The following TBC1D9 variants were observed in gnomAD, a reference collection of about 807,000 sequenced individuals.
TBC1D9 encodes TBC1 domain family member 9.
A neutral mutation model predicts 132.0 loss-of-function variants in TBC1D9; 63 were observed. That is an observed-to-expected ratio of 0.48 (90% confidence interval 0.39 to 0.59). TBC1D9 has a LOEUF of 0.59. TBC1D9 is among the 20% of genes least tolerant of loss of function. The pLI is 0.00. For missense variants in TBC1D9, 1,261 were observed against 1,592.7 expected, an observed-to-expected ratio of 0.79 and a Z score of 3.54; for synonymous variants, 610 against 609.9, an observed-to-expected ratio of 1.00 and a Z score of 0.00.
intron 1 of TBC1D9, among the ~76,000 whole-genome samples, chr4:140,744,264 T>C (rs910845495): frequency 6.6e-6 from 1 of 152,040 alleles, no homozygotes; most frequent in African/African-American, 2.4e-5. Flanking sequence ...CCCCAACACA[T>C]AGAAGTCACC....
At chr4:140,718,850 G>C (rs1403704805) in intron 1 of TBC1D9, among the ~76,000 whole-genome samples, 2 of 152,056 alleles carry the variant, frequency 1.3e-5, no homozygotes, top group African/African-American at 4.8e-5. Flanking sequence ...AGGCCAAGGT[G>C]GATGGATCAC....
intron 2 of TBC1D9, among the ~76,000 whole-genome samples, chr4:140,691,546 C>T (rs1386628572): frequency 6.6e-6 from 1 of 152,112 alleles, no homozygotes; most frequent in Non-Finnish European, 1.5e-5. Context: ...TCTGGAAAGG[C>T]CCCATTTACA....
chr4:140,729,942 G>A (rs1472423921), intron 1 of TBC1D9, among the ~76,000 whole-genome samples: 1 of 149,710 alleles, frequency 6.7e-6, no homozygotes, highest in African/African-American at 2.5e-5. Flanking sequence ...GCACTGTTTT[G>A]AATGTATTGT....
At chr4:140,631,188 G>C (rs1159291850) in intron 16 of TBC1D9, among the ~76,000 whole-genome samples, 1 of 152,196 alleles carries the variant, frequency 6.6e-6, no homozygotes, top group Non-Finnish European at 1.5e-5. Context: ...TGGAGAAAGA[G>C]ATACAGCTAA....
rs1035160325 is a variant in TBC1D9, at chr4:140,742,481, G to A, written c.130+13435C>T. ...TGGGAGGTGGAGGTTGCAGTGAGCC[G>A]AGATTGCACCACTGCATTCCAGCCT... On this transcript the variant is annotated intron_variant, in intron 1 of 20. Transcript: ENST00000442267. Among the ~76,000 whole-genome samples the A allele has an allele frequency of 5.7e-5, 8 of 140,826 alleles. No homozygotes were observed. In the East Asian group the frequency reaches 1.0e-3, roughly 18 times the overall value. 92.4% of individuals were successfully genotyped at this position (140,826 alleles called of 152,430 possible).
chr4:140,634,016 C>A lies in TBC1D9; in HGVS notation c.2678G>T (p.Arg893Leu). The A allele has an allele frequency of 1.9e-6, 3 of 1,613,910 alleles. No individual in the cohort carries two copies. Among genetic ancestry groups the A allele is most frequent in the Non-Finnish European group, 2.5e-6 (3 of 1,179,878 alleles). The change falls in exon 16 of 21, where the codon CGC becomes CTC. Residue 893 changes from arginine (R) to leucine (L), a missense_variant. Physicochemically the swap from Arg to Leu is moderately radical, Grantham distance 102 (BLOSUM62 -2). Transcript: ENST00000442267. ...ATTTTCATCTAATAACTGGAACAAGCGGGAGGCCAGAACGTCAGAGTGAGT... is the reference window on the plus strand; with the variant it reads ...ATTTTCATCTAATAACTGGAACAAGAGGGAGGCCAGAACGTCAGAGTGAGT... ...CGTHSDVLAS[R>L]LFQLLDENGD...
chr4:140,668,717 C>T (rs568333491), intron 9 of TBC1D9, among the ~76,000 whole-genome samples, 200 bp downstream of exon 9: 2 of 152,250 alleles, frequency 1.3e-5, no homozygotes, highest in South Asian at 2.1e-4. Context: ...ACATTTGGTC[C>T]GCTTCCTATG....
At chr4:140,627,565 G>C (rs1736728468) in intron 17 of TBC1D9, 38 bp from the exon 18 acceptor site, 1 of 1,270,122 alleles carries the variant, frequency 7.9e-7, no homozygotes, top group Non-Finnish European at 1.1e-6. Flanking sequence ...ATATTGGTAG[G>C]GCCATGATCC....
At chr4:140,626,843 G>A (rs4956465) in intron 18 of TBC1D9, among the ~76,000 whole-genome samples, 34,960 of 152,030 alleles carry the variant, frequency 0.23, 5,408 homozygotes, top group African/African-American at 0.44. Flanking sequence ...TCTGCAGCAC[G>A]AAAACAGCCA....
intron 8 of TBC1D9, 55 bp from the exon 9 acceptor site, chr4:140,669,122 G>C (rs1737495277): frequency 6.4e-7 from 1 of 1,560,570 alleles, no homozygotes; most frequent in East Asian, 2.2e-5. Flanking sequence ...GATGGTAAGA[G>C]AAGAGTGATG....
intron 16 of TBC1D9, among the ~76,000 whole-genome samples, chr4:140,630,816 G>A (rs935272229): frequency 9.9e-5 from 15 of 152,196 alleles, no homozygotes; most frequent in Admixed American, 3.9e-4. Context: ...GCTGAGTCCA[G>A]TAGGGGAGAA....
At chr4:140,721,477 C>A (rs894517722) in intron 1 of TBC1D9, among the ~76,000 whole-genome samples, 11 of 152,116 alleles carry the variant, frequency 7.2e-5, no homozygotes, top group Non-Finnish European at 7.4e-5. Context: ...TGGGCCAGGG[C>A]GGCTGGACTC....
Position 140,620,916 on chromosome 4 carries a change from T to C in TBC1D9, c.*1279A>G, listed in dbSNP as rs912364766. On this transcript the variant is annotated 3_prime_UTR_variant, in exon 21 of 21. Coordinates refer to ENST00000442267, the MANE Select transcript of TBC1D9 (RefSeq NM_015130.3). ...AGCAATAGCTAAAAAAAGGACACAA[T>C]GTATAATAAAATAAAGGAATGTGTT... The C allele has an allele frequency of 1.3e-5, 2 of 152,454 alleles. No homozygotes were observed. 9.4% of individuals were successfully genotyped at this position (152,454 alleles called of 1,614,324 possible). A position where few individuals can be genotyped will look rare whatever the true frequency, so the allele number is the denominator to read the frequency against.
intron 2 of TBC1D9, among the ~76,000 whole-genome samples, chr4:140,687,342 T>TGATATA (rs1560885798): frequency 1.8e-5 from 1 of 54,524 alleles, no homozygotes; most frequent in Non-Finnish European, 3.6e-5. Flanking sequence ...TGTGTGTGTG[T>TGATATA]CATATATATA....
chr4:140,645,215 T>C lies in TBC1D9; in HGVS notation c.2338-5787A>G, dbSNP rs934790938. The C allele has an allele frequency of 1.1e-5, 6 of 539,912 alleles. No individual in the cohort carries two copies. The African/African-American group carries it at 1.1e-4, about 10-fold the overall frequency. 33.4% of individuals were successfully genotyped at this position (539,912 alleles called of 1,614,324 possible). ...AGTCCAGCCAGGCCCCCAGCAGCCA[T>C]TACTCCTGGTGTCTGGCCCGGTGTC... On this transcript the variant is annotated intron_variant, in intron 13 of 20. Transcript: ENST00000442267.
chr4:140,679,417 C>A (rs1417938150), intron 4 of TBC1D9, among the ~76,000 whole-genome samples, 198 bp downstream of exon 4: 3 of 152,140 alleles, frequency 2.0e-5, no homozygotes, highest in Non-Finnish European at 4.4e-5. Flanking sequence ...GAATTAATTA[C>A]ACCTTTAGTG....
At chr4:140,661,474 C>T (rs562759928) in intron 10 of TBC1D9, among the ~76,000 whole-genome samples, 1 of 152,292 alleles carries the variant, frequency 6.6e-6, no homozygotes, top group Admixed American at 6.5e-5. Flanking sequence ...CCCTCTCTTA[C>T]TCCAGGGTGG....
intron 13 of TBC1D9, chr4:140,643,637 C>A (rs1326985396): frequency 9.7e-6 from 10 of 1,030,318 alleles, no homozygotes; most frequent in Non-Finnish European, 1.2e-5. Context: ...CCGCCACAGG[C>A]ACCTCCACTG....
intron 16 of TBC1D9, among the ~76,000 whole-genome samples, chr4:140,629,149 G>A (rs768800132): frequency 6.6e-6 from 1 of 152,178 alleles, no homozygotes; most frequent in African/African-American, 2.4e-5. Context: ...AGTGAGACAG[G>A]ACTCCAGCAT....
Sources: allele counts gnomAD v4.1 joint callset (sites outside exome capture counted in the v4.1 genomes callset), GRCh38; gene constraint gnomAD v4.1.1; transcripts MANE v1.5; gene names NCBI Gene and HGNC (gene_info 2026-07-23, HGNC 2026-07-21).